HSPA12A: variants seen among roughly 807,000 people sequenced by gnomAD.
The protein encoded by HSPA12A is heat shock protein family A (Hsp70) member 12A, also known as heat shock 70 kDa protein 12A.
A neutral mutation model predicts 69.2 loss-of-function variants in HSPA12A; 28 were observed. The ratio of observed to expected loss-of-function variants is 0.40; its 90% CI spans 0.30 to 0.55. The LOEUF (loss-of-function observed/expected upper bound fraction) is 0.55, where lower values mean the gene tolerates loss of function less well. Among genes scored for constraint, HSPA12A ranks in the 20% least tolerant of loss-of-function variants. HSPA12A has a pLI of 0.38. For synonymous variants in HSPA12A, 345 were observed against 370.5 expected, an observed-to-expected ratio of 0.93 and a Z score of 0.79; for missense variants, 686 against 900.7, an observed-to-expected ratio of 0.76 and a Z score of 3.05.
chr10:116,720,192 C>T (rs1392978161), intron 1 of HSPA12A, among the ~76,000 whole-genome samples: 4 of 152,174 alleles, frequency 2.6e-5, no homozygotes. Context: ...TGCCCCTGTC[C>T]CCCTGCCTTC....
intron 2 of HSPA12A, among the ~76,000 whole-genome samples, chr10:116,797,737 G>A (rs568061601): frequency 1.4e-4 from 21 of 152,220 alleles, no homozygotes; most frequent in Non-Finnish European, 2.6e-4. Flanking sequence ...CAACTGCTGA[G>A]AGCTGTGTAC....
intron 2 of HSPA12A, among the ~76,000 whole-genome samples, chr10:116,752,117 C>T (rs1379431771): frequency 6.6e-6 from 1 of 152,184 alleles, no homozygotes; most frequent in African/African-American, 2.4e-5. Flanking sequence ...CTTATGTTGG[C>T]CTCTATTTCA....
At chr10:116,694,067 AG>A (rs1849811346) in intron 5 of HSPA12A, among the ~76,000 whole-genome samples, 1 of 152,214 alleles carries the variant, frequency 6.6e-6, no homozygotes, top group South Asian at 2.1e-4. Context: ...TAAAAGGAAA[AG>A]GGTTCAAAAT....
chr10:116,785,303 C>T (rs1383386557), intron 2 of HSPA12A, among the ~76,000 whole-genome samples: 1 of 152,086 alleles, frequency 6.6e-6, no homozygotes, highest in Non-Finnish European at 1.5e-5. Context: ...TGTTCGGGAA[C>T]GTTCTGGCCA....
At chr10:116,774,215 T>C (rs1554890839) in intron 2 of HSPA12A, among the ~76,000 whole-genome samples, 1 of 152,100 alleles carries the variant, frequency 6.6e-6, no homozygotes, top group Non-Finnish European at 1.5e-5. Context: ...TTCACCGTTT[T>C]AGCCGGGATG....
chr10:116,772,669 CTTTAT>C (rs1564814855), intron 2 of HSPA12A, among the ~76,000 whole-genome samples: 1 of 151,834 alleles, frequency 6.6e-6, no homozygotes, highest in African/African-American at 2.4e-5. Flanking sequence ...TCCTTTCTAT[CTTTAT>C]TTTATTTATT....
At chr10:116,784,934 A>C (rs1844545494) in intron 2 of HSPA12A, among the ~76,000 whole-genome samples, 1 of 152,156 alleles carries the variant, frequency 6.6e-6, no homozygotes, top group African/African-American at 2.4e-5. Flanking sequence ...AGCTGCTCCT[A>C]GGCAGGAGCC....
intron 2 of HSPA12A, among the ~76,000 whole-genome samples, chr10:116,768,166 C>T (rs1197621989): frequency 6.6e-6 from 1 of 152,132 alleles, no homozygotes; most frequent in African/African-American, 2.4e-5. Context: ...CATTATTCAG[C>T]CATAAAAAAG....
intron 2 of HSPA12A, among the ~76,000 whole-genome samples, chr10:116,758,767 CT>C (rs1201895837): frequency 1.3e-5 from 2 of 152,142 alleles, no homozygotes; most frequent in African/African-American, 4.8e-5. Context: ...ACAGAGCTTG[CT>C]CAAGTTTTTT....
At chr10:116,744,795 T>C (rs1219393652), upstream of HSPA12A, among the ~76,000 whole-genome samples, 1 of 152,250 alleles carries the variant, frequency 6.6e-6, no homozygotes, top group Non-Finnish European at 1.5e-5. Context: ...ATTCAAAGGC[T>C]GAGGCACCTG....
intron 2 of HSPA12A, among the ~76,000 whole-genome samples, chr10:116,815,168 A>T (rs571365329): frequency 1.3e-5 from 2 of 149,232 alleles, no homozygotes; most frequent in African/African-American, 5.0e-5. Context: ...CAGCTGATCA[A>T]TCAGCCAGCC....
chr10:116,722,907 A>G lies in HSPA12A; in HGVS notation c.41-15622T>C, dbSNP rs375247105. Among the ~76,000 whole-genome samples, 7 of 152,310 alleles carry G rather than the reference A, an allele frequency of 4.6e-5. No individual in the cohort carries two copies. In the East Asian group the frequency reaches 1.2e-3, roughly 25 times the overall value. On this transcript the variant is annotated intron_variant, in intron 1 of 11. Transcript: ENST00000369209. ...GAAGGGGGTGGGGGAAGGTAGCTCCAGGAAGGTGACGCTTGGCTGGCTCCC... is the reference window on the plus strand; with the variant it reads ...GAAGGGGGTGGGGGAAGGTAGCTCCGGGAAGGTGACGCTTGGCTGGCTCCC...
rs1849984303 is a variant in HSPA12A at position 116,698,569 on chromosome 10, G to C, written c.546+66C>G. ...CTGGCCAGCAGGTGCAGCAGCCCGA[G>C]ACACGGAGCTGGCACGGGTGCCACC... is the stretch of plus-strand genomic sequence containing the variant. On this transcript the variant is annotated intron_variant, in intron 5 of 11. Transcript: ENST00000369209. 10 of 1,293,212 alleles carry C rather than the reference G, an allele frequency of 7.7e-6. No individual in the cohort carries two copies. In the South Asian group the frequency reaches 1.1e-4, roughly 14 times the overall value. 80.1% of individuals were successfully genotyped at this position (1,293,212 alleles called of 1,614,324 possible).
upstream of HSPA12A, among the ~76,000 whole-genome samples, chr10:116,743,033 C>T (rs1377552470): frequency 6.6e-6 from 1 of 152,128 alleles, no homozygotes; most frequent in East Asian, 2.0e-4. Flanking sequence ...GGCCCTGGGC[C>T]GGCGCAAAGG....
intron 2 of HSPA12A, among the ~76,000 whole-genome samples, chr10:116,816,027 G>C (rs1446160388): frequency 6.6e-6 from 1 of 152,166 alleles, no homozygotes; most frequent in Non-Finnish European, 1.5e-5. Flanking sequence ...CTCCATCAAA[G>C]CCCACGCATC....
In HSPA12A at chr10:116,675,913, C is replaced by G. The variant is rs1849224327; in HGVS notation, c.1390+486G>C. 6.6e-6 allele frequency among the ~76,000 whole-genome samples: 1 copy of G among 152,154 alleles called. No homozygotes were observed. The highest frequency in any genetic ancestry group is 6.5e-5 in the Admixed American group (1 of 15,284). On this transcript the variant is annotated intron_variant, in intron 11 of 11. Coordinates refer to ENST00000369209, the MANE Select transcript of HSPA12A (RefSeq NM_025015.3). This position sits in a 1 kb window ranked among gnomAD's most constrained non-coding sequence, Gnocchi z 5.2. The stretch of plus-strand genomic sequence containing the variant: ...CCAATGTAGCAGGAAAATGACATAG[C>G]CAGATTCCATTTGCTTGCAGAACTT...
exon 1 of HSPA12A, chr10:116,849,586 G>A: frequency 6.5e-7 from 1 of 1,545,270 alleles, no homozygotes; most frequent in African/African-American, 1.4e-5. Flanking sequence ...GAAGGCGGCG[G>A]CCGCAGCTGT....
intron 10 of HSPA12A, among the ~76,000 whole-genome samples, chr10:116,677,363 C>T (rs1849269415): frequency 6.6e-6 from 1 of 152,180 alleles, no homozygotes; most frequent in Non-Finnish European, 1.5e-5. Context: ...GGAACATGTT[C>T]TAGATGCTGG....
In HSPA12A at chr10:116,698,727, C is replaced by T. The variant is rs782570760; in HGVS notation, c.454G>A (p.Asp152Asn). Reference protein sequence around the residue: ...KLHTTGDLTMDTDLTAANGKK... With the variant: ...KLHTTGDLTMNTDLTAANGKK... ...CCATTTGCTGCCGTCAGGTCTGTATCCATGGTGAGGTCCTGGTAGGAGGAA... is the reference window on the plus strand; with the variant it reads ...CCATTTGCTGCCGTCAGGTCTGTATTCATGGTGAGGTCCTGGTAGGAGGAA... The change falls in exon 5 of 12, where the codon GAT becomes AAT. Residue 152 changes from aspartate to asparagine, a missense_variant. Coordinates refer to ENST00000369209, the MANE Select transcript of HSPA12A (RefSeq NM_025015.3). The T allele has an allele frequency of 6.2e-7, 1 of 1,613,538 alleles. No homozygotes were observed. The highest frequency in any genetic ancestry group is 8.5e-7 in the Non-Finnish European group (1 of 1,179,512).
Sources: gnomAD v4.1 joint callset for allele counts (sites outside exome capture counted in the v4.1 genomes callset) on GRCh38, gnomAD v4.1.1 for gene constraint, Gnocchi (gnomAD v3.1) non-coding constraint, MANE v1.5 for transcripts, NCBI Gene and HGNC (gene_info 2026-07-23, HGNC 2026-07-21) for gene names.